The following FAM168B variants were observed in gnomAD, a reference collection of about 807,000 sequenced individuals.
FAM168B encodes myelin-associated neurite-outgrowth inhibitor.
Under a neutral mutation model 21.8 loss-of-function variants are expected in FAM168B, and 19 were observed. The ratio of observed to expected loss-of-function variants is 0.87; its 90% CI spans 0.61 to 1.28. The LOEUF (loss-of-function observed/expected upper bound fraction) is 1.28. Among genes scored for constraint, FAM168B ranks in the 50% most tolerant of loss-of-function variants. FAM168B has a pLI of 0.00. For missense variants in FAM168B, 233 were observed against 263.1 expected (o/e 0.89, Z 0.79); for synonymous variants, 126 against 104.8 (o/e 1.20, Z -1.24).
Position 131,052,008 on chromosome 2 carries a change from T to A in FAM168B, c.*457A>T, listed in dbSNP as rs1423243292. On this transcript the variant is annotated 3_prime_UTR_variant, in exon 7 of 7. Transcript: ENST00000389915. ...TATTTCAGATGCTCTATGAAGAAAT[T>A]CACTTTAACACTTATAACTGTAAGA... The A allele has an allele frequency of 1.1e-5, 11 of 985,536 alleles. No homozygotes were observed. Among genetic ancestry groups the A allele is most frequent in the Non-Finnish European group, 3.6e-6 (3 of 829,938 alleles). 61.0% of individuals were successfully genotyped at this position (985,536 alleles called of 1,614,324 possible).
chr2:131,066,308 T>A (rs1692555734), intron 3 of FAM168B, among the ~76,000 whole-genome samples: 1 of 152,030 alleles, frequency 6.6e-6, no homozygotes, highest in Admixed American at 6.6e-5. Flanking sequence ...CCCGAGTAGC[T>A]GGGACTACAG....
rs113580878 is a variant in FAM168B at position 131,049,982 on chromosome 2, C to T, written c.*2483G>A. On this transcript the variant is annotated 3_prime_UTR_variant, in exon 7 of 7. Transcript: ENST00000389915. The stretch of plus-strand genomic sequence containing the variant: ...TCTACCTTTCGTATCTGACAGCTGA[C>T]GTCCTAAAAATTTCAAAGTCAGAAA... The T allele has an allele frequency of 7.6e-5, 75 of 985,436 alleles. 1 individual carries two copies. The highest frequency in any genetic ancestry group is 7.1e-4 in the African/African-American group (41 of 57,348). The allele number at this position is 985,436 out of a possible 1,614,324, so 61.0% of individuals were successfully genotyped here.
chr2:131,053,618 T>A (rs1691828948), intron 5 of FAM168B, among the ~76,000 whole-genome samples: 1 of 152,206 alleles, frequency 6.6e-6, no homozygotes, highest in Non-Finnish European at 1.5e-5. Flanking sequence ...GGCTCATGTC[T>A]GTAATCCCAA....
At chr2:131,064,568 C>T (rs572878118) in intron 3 of FAM168B, among the ~76,000 whole-genome samples, 23 of 152,312 alleles carry the variant, frequency 1.5e-4, no homozygotes, top group African/African-American at 5.3e-4. Context: ...TGTATCCAGA[C>T]AACCATCAAC....
chr2:131,061,101 T>C (rs1170806421), intron 3 of FAM168B, among the ~76,000 whole-genome samples: 1 of 149,250 alleles, frequency 6.7e-6, no homozygotes, highest in Non-Finnish European at 1.5e-5. Flanking sequence ...TCCACCCACC[T>C]TGGCCTCCCA....
At chr2:131,088,413 G>A (rs1250316121) in intron 1 of FAM168B, among the ~76,000 whole-genome samples, 3 of 151,968 alleles carry the variant, frequency 2.0e-5, no homozygotes, top group African/African-American at 7.3e-5. Context: ...GGCAATGGTG[G>A]GGGGAAAAGG....
chr2:131,069,642 C>T (rs904514698), intron 3 of FAM168B, among the ~76,000 whole-genome samples: 1 of 151,790 alleles, frequency 6.6e-6, no homozygotes, highest in African/African-American at 2.4e-5. Flanking sequence ...TACAGGAGCC[C>T]GCCACCATGA....
chr2:131,087,426 C>G (rs1367321456), intron 1 of FAM168B, among the ~76,000 whole-genome samples: 1 of 150,908 alleles, frequency 6.6e-6, no homozygotes, highest in African/African-American at 2.4e-5. Flanking sequence ...GAGCTGAGAT[C>G]GTGCCACTGC....
chr2:131,051,127 T>C lies in FAM168B; in HGVS notation c.*1338A>G. On this transcript the variant is annotated 3_prime_UTR_variant, in exon 7 of 7. Transcript: ENST00000389915. ...CCCTCTCTGCTGTCTGTGCTTGCTT[T>C]GTGCCAAGTGCCCTCAGCTGCAAAA... 1 of 985,414 alleles carries C rather than the reference T, an allele frequency of 1.0e-6. No homozygotes were observed. The highest frequency in any genetic ancestry group is 1.2e-6 in the Non-Finnish European group (1 of 829,970). The allele number at this position is 985,414 out of a possible 1,614,324, so 61.0% of individuals were successfully genotyped here. A position where few individuals can be genotyped will look rare whatever the true frequency, so the allele number is the denominator to read the frequency against.
chr2:131,078,220 CT>C (rs1300596462), intron 2 of FAM168B, among the ~76,000 whole-genome samples: 1 of 152,190 alleles, frequency 6.6e-6, no homozygotes, highest in Non-Finnish European at 1.5e-5. Context: ...GATCCAGAGA[CT>C]GCAGTTAGCA....
intron 2 of FAM168B, among the ~76,000 whole-genome samples, chr2:131,075,360 C>T (rs1693090848): frequency 2.6e-5 from 4 of 151,858 alleles, no homozygotes; most frequent in African/African-American, 4.8e-5. Flanking sequence ...TTCCAAATTC[C>T]TCATCTCTCC....
At position 131,050,550 on chromosome 2, in the gene FAM168B, T is replaced by TGA. The variant is rs553506808; in HGVS notation, c.*1914_*1915insTC. ...GTGCTCATGAAGCAATTTAAAGTAC[T>TGA]TATCAGTAAACATTCTATGTTAATA... On this transcript the variant is annotated 3_prime_UTR_variant, in exon 7 of 7. Coordinates refer to ENST00000389915, the MANE Select transcript of FAM168B (RefSeq NM_001009993.4). The TGA allele has an allele frequency of 8.0e-5, 79 of 985,788 alleles. No homozygotes were observed. Among genetic ancestry groups the TGA allele is most frequent in the Admixed American group, 8.0e-4 (13 of 16,270 alleles). The allele number at this position is 985,788 out of a possible 1,614,324, so 61.1% of individuals were successfully genotyped here.
At chr2:131,055,774 A>C in intron 3 of FAM168B, 79 bp from the exon 4 acceptor site, 2 of 1,534,682 alleles carry the variant, frequency 1.3e-6, no homozygotes, top group African/African-American at 2.7e-5. Context: ...GGGAGGAGCT[A>C]AGCTGCGTGT....
In FAM168B at chr2:131,081,497, G is replaced by C. The variant is rs921621180; in HGVS notation, c.70+1080C>G. ...CCCCTGGGGAGTATAATACAAGCTA[G>C]AGCCCCAAACATCTCTGAATGCTTA... On this transcript the variant is annotated intron_variant, in intron 2 of 6. Transcript: ENST00000389915. Among the ~76,000 whole-genome samples the C allele has an allele frequency of 4.6e-5, 7 of 152,322 alleles. No homozygotes were observed. In the East Asian group the frequency reaches 1.3e-3, roughly 29 times the overall value.
intron 3 of FAM168B, among the ~76,000 whole-genome samples, chr2:131,058,970 T>G (rs1275984816): frequency 6.6e-6 from 1 of 152,168 alleles, no homozygotes; most frequent in Non-Finnish European, 1.5e-5. Context: ...TGTCCGGCCA[T>G]GTACTGATAC....
intron 3 of FAM168B, among the ~76,000 whole-genome samples, chr2:131,057,704 C>T (rs757166631): frequency 6.6e-6 from 1 of 152,148 alleles, no homozygotes; most frequent in Non-Finnish European, 1.5e-5. Flanking sequence ...TGTAATTATG[C>T]CTCTGCATTC....
intron 2 of FAM168B, among the ~76,000 whole-genome samples, chr2:131,076,253 G>A (rs1416686679): frequency 6.6e-6 from 1 of 152,146 alleles, no homozygotes; most frequent in East Asian, 1.9e-4. Flanking sequence ...AGCAGACACA[G>A]AGACCGTCTC....
At chr2:131,061,567 G>T (rs979803666) in intron 3 of FAM168B, among the ~76,000 whole-genome samples, 1 of 152,080 alleles carries the variant, frequency 6.6e-6, no homozygotes, top group Non-Finnish European at 1.5e-5. Context: ...GATCACCTGA[G>T]GTCAGGAATT....
In FAM168B at chr2:131,055,487, G is replaced by A. The variant is rs368387575; in HGVS notation, c.298-38C>T. 3 of 1,602,758 alleles carry A rather than the reference G, an allele frequency of 1.9e-6. No individual in the cohort carries two copies. The East Asian group carries it at 6.7e-5, about 36-fold the overall frequency. Reference sequence around the variant, plus strand: ...GAGAGACAACTGACACAGGGTCCCAGGGCCAAAGGATGAACGCCCAGGTGG... The same window carrying A: ...GAGAGACAACTGACACAGGGTCCCAAGGCCAAAGGATGAACGCCCAGGTGG... On this transcript the variant is annotated intron_variant, in intron 4 of 6. Transcript: ENST00000389915.
Sources: gnomAD v4.1 joint callset for allele counts (sites outside exome capture counted in the v4.1 genomes callset) on GRCh38, gnomAD v4.1.1 for gene constraint, MANE v1.5 for transcripts, NCBI Gene and HGNC (gene_info 2026-07-23, HGNC 2026-07-21) for gene names.